The following JAK1 variants were observed in gnomAD, a reference collection of about 807,000 sequenced individuals.
JAK1 encodes the protein tyrosine-protein kinase JAK1.
Under a neutral mutation model 136.6 loss-of-function variants are expected in JAK1, and 16 were observed. That is an observed-to-expected ratio of 0.12 (90% CI 0.08 to 0.18). The LOEUF is 0.18. Ranked by LOEUF, JAK1 falls within the 10% of genes least tolerant of loss-of-function variation. The pLI, the probability that JAK1 is intolerant of heterozygous loss-of-function variation, is 1.00. For missense variants in JAK1, 859 were observed against 1,450.1 expected, an observed-to-expected ratio of 0.59 and a Z score of 6.62; for synonymous variants, 492 against 519.5, an observed-to-expected ratio of 0.95 and a Z score of 0.72.
rs561238464 is a variant in JAK1 at position 64,871,644 on chromosome 1, C to T, written c.483+1726G>A. ...TCCGACATCACCCAAAACAGAAACCCAGTCATCATCTTTGATTCCTCAAAT... is the reference window on the plus strand; with the variant it reads ...TCCGACATCACCCAAAACAGAAACCTAGTCATCATCTTTGATTCCTCAAAT... On this transcript the variant is annotated intron_variant, in intron 5 of 24. Transcript: ENST00000342505. Among the ~76,000 whole-genome samples, 3 of 152,310 alleles carry T rather than the reference C, an allele frequency of 2.0e-5. No individual in the cohort carries two copies. The South Asian group carries it at 6.2e-4, about 32-fold the overall frequency.
At position 65,042,376 on chromosome 1, in the gene JAK1, CTT is replaced by C. The variant is rs199567544; in HGVS notation, c.-78+2102_-78+2103del. ...TGTATATACTTTTCATTTTCTTAGT[CTT>C]AGTTATGAAAAACCAGGCACTCTTA... On this transcript the variant is annotated intron_variant, in intron 2 of 25. Coordinates refer to the JAK1 transcript ENST00000671954. 8.0e-3 allele frequency among the ~76,000 whole-genome samples: 1,215 copies of C among 151,806 alleles called. 14 individuals carry two copies. Among genetic ancestry groups the C allele is most frequent in the African/African-American group, 0.028 (1,145 of 41,354 alleles).
chr1:64,859,668 T>G (rs1423904977), intron 9 of JAK1: 4 of 152,738 alleles, frequency 2.6e-5, no homozygotes, highest in African/African-American at 9.6e-5. Flanking sequence ...GATGGGATAT[T>G]GCTATGTTGC....
intron 1 of JAK1, among the ~76,000 whole-genome samples, chr1:64,924,067 T>C (rs1210447223): frequency 6.6e-6 from 1 of 152,222 alleles, no homozygotes; most frequent in African/African-American, 2.4e-5. Context: ...AGAACAACTC[T>C]GAATGCAATA....
chr1:65,042,397 A>G (rs1214539179), intron 2 of JAK1, among the ~76,000 whole-genome samples: 2 of 144,850 alleles, frequency 1.4e-5, no homozygotes, highest in African/African-American at 5.3e-5. Context: ...AAAACCAGGC[A>G]CTCTTATTTA....
chr1:65,009,399 G>A (rs1646830984), intron 2 of JAK1, among the ~76,000 whole-genome samples: 1 of 152,158 alleles, frequency 6.6e-6, no homozygotes. Context: ...GGTGGGGGTG[G>A]AGGTAAAGAG....
At chr1:64,953,374 G>A (rs1443607106) in intron 1 of JAK1, among the ~76,000 whole-genome samples, 1 of 152,124 alleles carries the variant, frequency 6.6e-6, no homozygotes, top group Non-Finnish European at 1.5e-5. Context: ...CAAAGTCACA[G>A]AGCTAGTAAG....
At chr1:64,840,904 A>G (rs1048203323) in intron 19 of JAK1, among the ~76,000 whole-genome samples, 3 of 152,136 alleles carry the variant, frequency 2.0e-5, no homozygotes, top group Non-Finnish European at 2.9e-5. Flanking sequence ...GGATTTTCCT[A>G]TTCCACCATA....
At chr1:64,839,032 G>A (rs1654694126) in intron 20 of JAK1, among the ~76,000 whole-genome samples, 1 of 150,248 alleles carries the variant, frequency 6.7e-6, no homozygotes, top group Non-Finnish European at 1.5e-5. Context: ...TGTAGTCCCA[G>A]CTACTCGGGA....
At chr1:65,054,622 C>G (rs1647446125) in intron 1 of JAK1, among the ~76,000 whole-genome samples, 1 of 152,144 alleles carries the variant, frequency 6.6e-6, no homozygotes, top group Non-Finnish European at 1.5e-5. Flanking sequence ...TAGCATAACT[C>G]CAAAGACGTG....
intron 4 of JAK1, among the ~76,000 whole-genome samples, chr1:64,874,380 A>G (rs1462777879): frequency 6.6e-6 from 1 of 150,904 alleles, no homozygotes; most frequent in African/African-American, 2.4e-5. Flanking sequence ...TTTTTTTTTT[A>G]ATTTCAGAAA....
At position 64,950,184 on chromosome 1, in the gene JAK1, C is replaced by T. The variant is rs369653533; in HGVS notation, c.-78+16149G>A. On this transcript the variant is annotated intron_variant, in intron 1 of 24. Coordinates refer to ENST00000342505, the MANE Select transcript of JAK1 (RefSeq NM_002227.4). ...CAGCACTTTGGCGGGCCAAGGCGGG[C>T]GGATCACAAGGTCAGGAGATCGAGA... is the stretch of plus-strand genomic sequence containing the variant. 2.4e-4 allele frequency among the ~76,000 whole-genome samples: 36 copies of T among 152,184 alleles called. 5 individuals are homozygous for T. Among genetic ancestry groups the T allele is most frequent in the Admixed American group, 3.9e-4 (6 of 15,288 alleles).
intron 1 of JAK1, among the ~76,000 whole-genome samples, chr1:64,932,545 C>T (rs1176603441): frequency 6.6e-6 from 1 of 152,146 alleles, no homozygotes; most frequent in African/African-American, 2.4e-5. Flanking sequence ...ATCCAACAAA[C>T]GTTTATTAAG....
chr1:64,839,721 T>C lies in JAK1; in HGVS notation c.2724A>G (p.Lys908=), dbSNP rs1654768005. ...GDNTGEQVAV[K]SLKPESGGNH... is the part of the protein sequence containing the mutation. Reference sequence around the variant, plus strand: ...TACCTCCACTCTCAGGCTTCAGAGATTTAACAGCCACCTGCTCCCCTGTAT... The same window carrying C: ...TACCTCCACTCTCAGGCTTCAGAGACTTAACAGCCACCTGCTCCCCTGTAT... The change falls in exon 20 of 25, where the codon AAA becomes AAG. Residue 908 remains lysine (K), a synonymous_variant. Transcript: ENST00000342505. 4 of 1,614,252 alleles carry C rather than the reference T, an allele frequency of 2.5e-6. No homozygotes were observed. The highest frequency in any genetic ancestry group is 3.4e-6 in the Non-Finnish European group (4 of 1,180,034).
At chr1:64,948,618 T>C (rs752449706) in intron 1 of JAK1, among the ~76,000 whole-genome samples, 15 of 152,270 alleles carry the variant, frequency 9.9e-5, no homozygotes, top group Non-Finnish European at 1.3e-4. Context: ...ATCCATGTTC[T>C]GAAATTGCTT....
intron 1 of JAK1, among the ~76,000 whole-genome samples, chr1:64,914,379 T>G (rs1366734582): frequency 6.6e-6 from 1 of 152,210 alleles, no homozygotes; most frequent in Non-Finnish European, 1.5e-5. Context: ...GGAATGCTTC[T>G]GACTCTAAAC....
intron 8 of JAK1, among the ~76,000 whole-genome samples, 155 bp from the exon 9 acceptor site, chr1:64,860,417 TGC>T (rs1491433705): frequency 0.014 from 499 of 35,654 alleles, 5 homozygotes; most frequent in African/African-American, 0.038. Flanking sequence ...ACCCCTTGCA[TGC>T]ATTTATTTAT....
At chr1:64,883,545 G>T in intron 2 of JAK1, 70 bp from the exon 3 acceptor site, 2 of 1,332,496 alleles carry the variant, frequency 1.5e-6, no homozygotes, top group Non-Finnish European at 2.1e-6. Flanking sequence ...AAAAGGGAGT[G>T]TTCTGAAGGT....
At chr1:64,935,127 C>T (rs1645765798) in intron 1 of JAK1, among the ~76,000 whole-genome samples, 1 of 152,180 alleles carries the variant, frequency 6.6e-6, no homozygotes. Flanking sequence ...CATCAGACAT[C>T]CTTGGGGATG....
At chr1:64,859,694 A>C (rs1164699973) in intron 9 of JAK1, 1 of 153,764 alleles carries the variant, frequency 6.5e-6, no homozygotes, top group African/African-American at 2.4e-5. Context: ...CTAGAATTGA[A>C]CTCCTGGGCT....
Sources: allele counts gnomAD v4.1 joint callset (sites outside exome capture counted in the v4.1 genomes callset), GRCh38; gene constraint gnomAD v4.1.1; transcripts MANE v1.5; gene names NCBI Gene and HGNC (gene_info 2026-07-23, HGNC 2026-07-21).